Variants in PPARGC1A observed in about 807,000 individuals in gnomAD.
The protein encoded by PPARGC1A is PPARG coactivator 1 alpha.
PPARGC1A carries 25 observed loss-of-function variants against 88.7 expected under a neutral mutation model. The ratio of observed to expected loss-of-function variants is 0.28; its 90% CI spans 0.21 to 0.39. PPARGC1A has a LOEUF of 0.39. PPARGC1A is among the 10% of genes least tolerant of loss of function. PPARGC1A has a pLI of 1.00. For synonymous variants in PPARGC1A, 363 were observed against 355.6 expected, an observed-to-expected ratio of 1.02 and a Z score of -0.24; for missense variants, 880 against 968.7, an observed-to-expected ratio of 0.91 and a Z score of 1.22.
the PPARGC1A span, among the ~76,000 whole-genome samples, chr4:24,049,574 T>C: frequency 2.0e-5 from 3 of 151,988 alleles, no homozygotes; most frequent in African/African-American, 4.8e-5. Context: ...AAAGAAGTTG[T>C]ATTACACATG....
chr4:23,828,165 A>G (rs574190737), intron 5 of PPARGC1A, among the ~76,000 whole-genome samples: 1 of 152,282 alleles, frequency 6.6e-6, no homozygotes, highest in South Asian at 2.1e-4. Context: ...CCTGGCTAAC[A>G]TTTCAGGAGT....
At chr4:23,827,072 A>G (rs1724090545) in intron 5 of PPARGC1A, among the ~76,000 whole-genome samples, 1 of 151,988 alleles carries the variant, frequency 6.6e-6, no homozygotes, top group African/African-American at 2.4e-5. Flanking sequence ...GAGTGGTTCT[A>G]CTCCAGGAAA....
intron 2 of PPARGC1A, among the ~76,000 whole-genome samples, chr4:23,868,948 C>T (rs781688501): frequency 1.3e-5 from 2 of 152,172 alleles, no homozygotes; most frequent in Non-Finnish European, 2.9e-5. Flanking sequence ...TATTTTATCC[C>T]TGCTTCTGCA....
chr4:23,794,018 A>C lies in PPARGC1A; in HGVS notation c.*1804T>G, dbSNP rs1431633109. The C allele has an allele frequency of 6.6e-6, 1 of 152,600 alleles. No individual in the cohort carries two copies. Among genetic ancestry groups the C allele is most frequent in the Non-Finnish European group, 1.5e-5 (1 of 68,022 alleles). The allele number at this position is 152,600 out of a possible 1,614,324, so 9.5% of individuals were successfully genotyped here. A position where few individuals can be genotyped will look rare whatever the true frequency, so the allele number is the denominator to read the frequency against. Reference sequence around the variant, plus strand: ...TTATACAGGATGCATAACTGTAAAAAATACAGATAAATACCATCGTCATAC... The same window carrying C: ...TTATACAGGATGCATAACTGTAAAACATACAGATAAATACCATCGTCATAC... On this transcript the variant is annotated 3_prime_UTR_variant, in exon 13 of 13. Coordinates refer to ENST00000264867, the MANE Select transcript of PPARGC1A (RefSeq NM_013261.5).
chr4:24,004,354 G>A, the PPARGC1A span, among the ~76,000 whole-genome samples: 3 of 152,138 alleles, frequency 2.0e-5, no homozygotes, highest in Non-Finnish European at 1.5e-5. Context: ...AAAAAACACA[G>A]CTTCTGCATT....
At chr4:24,313,052 G>A in the PPARGC1A span, among the ~76,000 whole-genome samples, 1 of 152,182 alleles carries the variant, frequency 6.6e-6, no homozygotes, top group Non-Finnish European at 1.5e-5. Context: ...GTAAAGTGTA[G>A]ATTAGAAGGG....
At chr4:24,465,016 G>T in the PPARGC1A span, among the ~76,000 whole-genome samples, 1 of 152,154 alleles carries the variant, frequency 6.6e-6, no homozygotes, top group Non-Finnish European at 1.5e-5. Context: ...ACAGGCACAC[G>T]CCATCACACC....
chr4:24,081,066 A>C, the PPARGC1A span, among the ~76,000 whole-genome samples: 1 of 152,270 alleles, frequency 6.6e-6, no homozygotes, highest in South Asian at 2.1e-4. Flanking sequence ...GAAAAGTGCA[A>C]CAGAAAATGC....
intron 12 of PPARGC1A, among the ~76,000 whole-genome samples, chr4:23,796,294 C>G (rs780495334): frequency 1.3e-4 from 20 of 152,086 alleles, no homozygotes; most frequent in Non-Finnish European, 2.6e-4. Context: ...TTTTCCTATT[C>G]AATGGGATTA....
the PPARGC1A span, among the ~76,000 whole-genome samples, chr4:24,153,635 A>T: frequency 6.6e-6 from 1 of 152,210 alleles, no homozygotes; most frequent in Non-Finnish European, 1.5e-5. Context: ...CGTAGTCCAT[A>T]AAAATTTCAT....
At chr4:24,148,187 G>A in the PPARGC1A span, among the ~76,000 whole-genome samples, 1 of 152,134 alleles carries the variant, frequency 6.6e-6, no homozygotes, top group Admixed American at 6.5e-5. Context: ...ACTAGACCAT[G>A]TGGCTTTCCT....
the PPARGC1A span, among the ~76,000 whole-genome samples, chr4:24,036,467 T>C: frequency 6.6e-6 from 1 of 152,128 alleles, no homozygotes; most frequent in African/African-American, 2.4e-5. Flanking sequence ...TTTAATTACA[T>C]GAACTCCAAA....
chr4:24,211,910 C>T, the PPARGC1A span, among the ~76,000 whole-genome samples: 814 of 152,266 alleles, frequency 5.3e-3, 32 homozygotes, highest in East Asian at 0.095. Context: ...ACTGTTTCAT[C>T]GCCTAAGCCA....
At chr4:24,273,710 T>C in the PPARGC1A span, among the ~76,000 whole-genome samples, 1 of 150,040 alleles carries the variant, frequency 6.7e-6, no homozygotes, top group African/African-American at 2.5e-5. Context: ...AAATAGCTTT[T>C]GTCCCCTTGG....
chr4:24,185,812 AG>A, the PPARGC1A span, among the ~76,000 whole-genome samples: 2,143 of 88,144 alleles, frequency 0.024, 25 homozygotes, highest in Middle Eastern at 0.049. Flanking sequence ...CACAGTCCCC[AG>A]AGTGTGATAT....
chr4:24,169,417 A>G, the PPARGC1A span, among the ~76,000 whole-genome samples: 3 of 152,206 alleles, frequency 2.0e-5, no homozygotes, highest in African/African-American at 7.2e-5. Flanking sequence ...ATAGTAACAT[A>G]TAACTATCAG....
the PPARGC1A span, among the ~76,000 whole-genome samples, chr4:24,401,273 C>A: frequency 1.3e-5 from 2 of 152,096 alleles, no homozygotes; most frequent in Non-Finnish European, 2.9e-5. Context: ...CTGCCTCAGC[C>A]TCCCAAAGTG....
the PPARGC1A span, among the ~76,000 whole-genome samples, chr4:24,447,258 C>A: frequency 2.6e-5 from 4 of 152,208 alleles, no homozygotes; most frequent in African/African-American, 9.6e-5. Context: ...TTGCCCTGCC[C>A]AGCTCTGCTG....
the PPARGC1A span, among the ~76,000 whole-genome samples, chr4:24,333,013 G>A: frequency 2.6e-4 from 40 of 152,298 alleles, no homozygotes; most frequent in Admixed American, 5.9e-4. Flanking sequence ...AGGCCAAGGC[G>A]GGCAGATCAT....
Sources: allele counts gnomAD v4.1 joint callset (sites outside exome capture counted in the v4.1 genomes callset), GRCh38; gene constraint gnomAD v4.1.1; transcripts MANE v1.5; gene names NCBI Gene and HGNC (gene_info 2026-07-23, HGNC 2026-07-21).